The following KIF6 variants were observed in gnomAD, a reference collection of about 807,000 sequenced individuals.
The protein encoded by KIF6 is kinesin-like protein KIF6.
Under a neutral mutation model 112.7 loss-of-function variants are expected in KIF6, and 106 were observed. The observed-to-expected ratio is 0.94, with a 90% CI of 0.80 to 1.11. The LOEUF is 1.11. Ranked by LOEUF, KIF6 falls within the 50% of genes least tolerant of loss-of-function variation. The probability of loss-of-function intolerance (pLI) is 0.00; values close to 1 mark genes in which losing one functional copy is unlikely to be tolerated. For missense variants in KIF6, 929 were observed against 964.0 expected (o/e 0.96, Z 0.48); for synonymous variants, 339 against 339.9 (o/e 1.00, Z 0.03).
chr6:39,466,327 G>C (rs2150431950), intron 13 of KIF6, among the ~76,000 whole-genome samples: 1 of 152,262 alleles, frequency 6.6e-6, no homozygotes, highest in African/African-American at 2.4e-5. Flanking sequence ...AATGGTTTCT[G>C]AGCTTCAAGC....
intron 13 of KIF6, among the ~76,000 whole-genome samples, chr6:39,504,147 C>T (rs1056176610): frequency 6.6e-6 from 1 of 152,006 alleles, no homozygotes; most frequent in African/African-American, 2.4e-5. Context: ...ACATCAAAAA[C>T]CTTATCCACC....
chr6:39,513,006 G>A (rs949622562), intron 13 of KIF6, among the ~76,000 whole-genome samples: 3 of 152,112 alleles, frequency 2.0e-5, no homozygotes, highest in Non-Finnish European at 4.4e-5. Context: ...TGTGAATAAG[G>A]GAAGTAGGGC....
intron 5 of KIF6, among the ~76,000 whole-genome samples, chr6:39,619,826 C>T (rs1037705708): frequency 8.5e-5 from 13 of 152,068 alleles, no homozygotes; most frequent in African/African-American, 1.4e-4. Flanking sequence ...AGCATAAATA[C>T]GAAACATTAT....
At chr6:39,453,608 C>T (rs927332866) in intron 13 of KIF6, among the ~76,000 whole-genome samples, 1 of 152,144 alleles carries the variant, frequency 6.6e-6, no homozygotes, top group East Asian at 1.9e-4. Context: ...TGTATGTTCC[C>T]CAAACCCTAA....
intron 15 of KIF6, among the ~76,000 whole-genome samples, chr6:39,419,635 C>T (rs1169101153): frequency 6.6e-6 from 1 of 152,128 alleles, no homozygotes; most frequent in Non-Finnish European, 1.5e-5. Flanking sequence ...TCACTGTAAC[C>T]GTGAAGTTAT....
At chr6:39,563,095 G>T (rs1780095163) in intron 10 of KIF6, among the ~76,000 whole-genome samples, 1 of 152,064 alleles carries the variant, frequency 6.6e-6, no homozygotes, top group African/African-American at 2.4e-5. Context: ...ACAAAAATAA[G>T]CCAGGTGCAG....
chr6:39,546,672 A>G (rs1170826383), intron 10 of KIF6, among the ~76,000 whole-genome samples: 1 of 152,122 alleles, frequency 6.6e-6, no homozygotes, highest in Non-Finnish European at 1.5e-5. Context: ...CTAAAAACAC[A>G]AAAACTAGCC....
chr6:39,584,845 A>G (rs1781531097), intron 9 of KIF6, 53 bp downstream of exon 9: 1 of 1,133,130 alleles, frequency 8.8e-7, no homozygotes, highest in Non-Finnish European at 1.3e-6. Context: ...AGTTTTAGCT[A>G]ATCTTTGATA....
At chr6:39,437,432 A>T (rs557702565) in intron 13 of KIF6, among the ~76,000 whole-genome samples, 23 of 152,220 alleles carry the variant, frequency 1.5e-4, no homozygotes, top group Non-Finnish European at 2.8e-4. Flanking sequence ...GCACTATAGC[A>T]TATTTGGCAC....
At chr6:39,354,002 T>A in intron 19 of KIF6, 1 of 406,750 alleles carries the variant, frequency 2.5e-6, no homozygotes, top group Non-Finnish European at 4.8e-6. Context: ...TTCACATGGG[T>A]CCAAGCCCAG....
chr6:39,584,250 C>T (rs1781471794), intron 9 of KIF6, among the ~76,000 whole-genome samples: 1 of 150,982 alleles, frequency 6.6e-6, no homozygotes, highest in Non-Finnish European at 1.5e-5. Flanking sequence ...AGTGAAACCC[C>T]GTCTCTACTA....
chr6:39,450,304 A>C (rs1772604591), intron 13 of KIF6, among the ~76,000 whole-genome samples: 1 of 152,238 alleles, frequency 6.6e-6, no homozygotes, highest in African/African-American at 2.4e-5. Context: ...TATCTAGGAA[A>C]GTTTCAGAGG....
At chr6:39,589,382 C>T (rs1033345039) in intron 7 of KIF6, among the ~76,000 whole-genome samples, 13 of 152,134 alleles carry the variant, frequency 8.5e-5, no homozygotes, top group Non-Finnish European at 1.9e-4. Flanking sequence ...TTATCTGCTT[C>T]CCCTCTAGGC....
intron 13 of KIF6, among the ~76,000 whole-genome samples, chr6:39,441,428 C>A (rs1297783111): frequency 2.0e-5 from 3 of 152,202 alleles, no homozygotes; most frequent in African/African-American, 7.2e-5. Context: ...TGCAGATGGT[C>A]TCCCCTGGAG....
At chr6:39,696,913 C>G (rs1193585524) in intron 3 of KIF6, among the ~76,000 whole-genome samples, 1 of 151,564 alleles carries the variant, frequency 6.6e-6, no homozygotes, top group Non-Finnish European at 1.5e-5. Flanking sequence ...GTAAACCTCC[C>G]ATGGTTAGAC....
chr6:39,619,614 G>A (rs183607788), intron 5 of KIF6, among the ~76,000 whole-genome samples: 11 of 152,208 alleles, frequency 7.2e-5, no homozygotes, highest in Admixed American at 2.0e-4. Context: ...GAAAATGAAC[G>A]TCACCAAAGG....
At chr6:39,579,817 T>G (rs1035547405) in intron 9 of KIF6, among the ~76,000 whole-genome samples, 1 of 151,912 alleles carries the variant, frequency 6.6e-6, no homozygotes, top group South Asian at 2.1e-4. Context: ...ATAATATGTT[T>G]ATATATATAA....
At chr6:39,429,707 G>T (rs1771003975) in intron 14 of KIF6, among the ~76,000 whole-genome samples, 1 of 152,144 alleles carries the variant, frequency 6.6e-6, no homozygotes. Flanking sequence ...CAGCAGATGA[G>T]ACCATCGTGG....
chr6:39,368,704 C>A (rs1765750850), intron 16 of KIF6, among the ~76,000 whole-genome samples: 1 of 152,214 alleles, frequency 6.6e-6, no homozygotes, highest in Admixed American at 6.5e-5. Flanking sequence ...TATACCCACT[C>A]TCCAGGGTCA....
Sources: gnomAD v4.1 joint callset for allele counts (sites outside exome capture counted in the v4.1 genomes callset) on GRCh38, gnomAD v4.1.1 for gene constraint, MANE v1.5 for transcripts, NCBI Gene and HGNC (gene_info 2026-07-23, HGNC 2026-07-21) for gene names.